TIAL1: variants seen among roughly 807,000 people sequenced by gnomAD.
TIAL1 encodes the protein TIA1 cytotoxic granule associated RNA binding protein like 1.
In TIAL1, 7 loss-of-function variants were observed where a neutral mutation model predicts 59.7. That is an observed-to-expected ratio of 0.12 (90% CI 0.07 to 0.22). The LOEUF (loss-of-function observed/expected upper bound fraction) is 0.22. TIAL1 is among the 10% of genes least tolerant of loss of function. TIAL1 has a pLI of 1.00. For synonymous variants in TIAL1, 149 were observed against 146.3 expected, an observed-to-expected ratio of 1.02 and a Z score of -0.13; for missense variants, 225 against 462.5, an observed-to-expected ratio of 0.49 and a Z score of 4.71.
chr10:119,583,776 C>G (rs1845407582), intron 2 of TIAL1, among the ~76,000 whole-genome samples: 1 of 152,168 alleles, frequency 6.6e-6, no homozygotes. Flanking sequence ...ATCGTTAATA[C>G]TGACAACAAA....
At position 119,574,607 on chromosome 10, in the gene TIAL1, A is replaced by AAAAAAAAAAAAAAAAAAAAT. The variant is rs1554862468; in HGVS notation, c.*1057_*1058insATTTTTTTTTTTTTTTTTTT. On this transcript the variant is annotated 3_prime_UTR_variant, in exon 12 of 12. Coordinates refer to ENST00000436547, the MANE Select transcript of TIAL1 (RefSeq NM_003252.4). Reference sequence around the variant, plus strand: ...AAAGCAAAAAAAAAAAAAAAAAAAAACAAAAACAAAAAACTAATTCCCAAT... The same window carrying AAAAAAAAAAAAAAAAAAAAT: ...AAAGCAAAAAAAAAAAAAAAAAAAAAAAAAAAAAAAAAAAAAAAATCAAAAACAAAAAACTAATTCCCAAT... 6.8e-6 allele frequency: 1 copy of AAAAAAAAAAAAAAAAAAAAT among 148,044 alleles called. No individual in the cohort carries two copies. Among genetic ancestry groups the AAAAAAAAAAAAAAAAAAAAT allele is most frequent in the Non-Finnish European group, 1.5e-5 (1 of 67,114 alleles). The allele number at this position is 148,044 out of a possible 1,614,324, so 9.2% of individuals were successfully genotyped here.
intron 7 of TIAL1, among the ~76,000 whole-genome samples, chr10:119,578,161 G>T (rs1277617309): frequency 6.7e-6 from 1 of 148,188 alleles, no homozygotes; most frequent in Non-Finnish European, 1.5e-5. Flanking sequence ...CGAGGCGGAG[G>T]TTGCAGTGAA....
intron 10 of TIAL1, 53 bp from the exon 11 acceptor site, chr10:119,576,803 GAAGA>G (rs1182916301): frequency 6.3e-7 from 1 of 1,596,544 alleles, no homozygotes; most frequent in Non-Finnish European, 8.5e-7. Flanking sequence ...CACCGTATAT[GAAGA>G]AAGAGTGGGA....
intron 7 of TIAL1, among the ~76,000 whole-genome samples, 164 bp from the exon 8 acceptor site, chr10:119,577,900 G>A (rs996562864): frequency 2.6e-5 from 4 of 151,898 alleles, no homozygotes; most frequent in Admixed American, 6.6e-5. Context: ...GACCAGCCTG[G>A]CCAACATGAC....
At chr10:119,593,501 A>T (rs1428435643) in intron 1 of TIAL1, 1 of 985,728 alleles carries the variant, frequency 1.0e-6, no homozygotes, top group Non-Finnish European at 1.2e-6. Context: ...CATATGTCTT[A>T]GCTTGTGTGT....
rs1221740047 is a variant in TIAL1 at position 119,574,774 on chromosome 10, TTCAATGCAGCGGAG to T, written c.*877_*890del. The T allele has an allele frequency of 2.0e-5, 3 of 152,620 alleles. No homozygotes were observed. The highest frequency in any genetic ancestry group is 4.4e-5 in the Non-Finnish European group (3 of 68,022). 9.5% of individuals were successfully genotyped at this position (152,620 alleles called of 1,614,324 possible). ...TTAACATTCTGATCAATCCACTGCA[TTCAATGCAGCGGAG>T]TGTGTTAAGTGTTACTTCAAATAAT... On this transcript the variant is annotated 3_prime_UTR_variant, in exon 12 of 12. Coordinates refer to ENST00000436547, the MANE Select transcript of TIAL1 (RefSeq NM_003252.4).
At chr10:119,594,291 TA>T (rs1846041414) in intron 1 of TIAL1, among the ~76,000 whole-genome samples, 1 of 152,150 alleles carries the variant, frequency 6.6e-6, no homozygotes, top group Non-Finnish European at 1.5e-5. Context: ...ACAAAGAAGT[TA>T]GCTTATTATT....
intron 2 of TIAL1, among the ~76,000 whole-genome samples, chr10:119,583,431 T>C (rs1845392617): frequency 6.6e-6 from 1 of 152,192 alleles, no homozygotes; most frequent in Admixed American, 6.5e-5. Context: ...ACCTAAGCTA[T>C]AGCAACATTC....
At chr10:119,588,880 T>C (rs1845709928) in intron 1 of TIAL1, among the ~76,000 whole-genome samples, 1 of 152,222 alleles carries the variant, frequency 6.6e-6, no homozygotes, top group Non-Finnish European at 1.5e-5. Context: ...GTTAAAATTT[T>C]AAACTGGTCT....
rs1279640464 is a variant in TIAL1, at chr10:119,577,138, T to C, written c.803A>G (p.His268Arg). The change falls in exon 10 of 12, where the codon CAT (histidine) becomes CGT (arginine). Residue 268 changes from histidine (H) to arginine (R), a missense_variant. Physicochemically the swap from His to Arg is conservative, Grantham distance 29 (BLOSUM62 0). Around this residue, in one of 4 missense-constraint regions of TIAL1, gnomAD observed 80 missense variants for 158.8 expected, o/e 0.50. Coordinates refer to ENST00000436547, the MANE Select transcript of TIAL1 (RefSeq NM_003252.4). ...TTTACCCCAATAGCATTTAACCACA[T>C]GTCCTTCAATCGTAGTACCGTTCAC... ...VSVNGTTIEG[H>R]VVKCYWGKES... 4 of 1,614,078 alleles carry C rather than the reference T, an allele frequency of 2.5e-6. No individual in the cohort carries two copies. Among genetic ancestry groups the C allele is most frequent in the Non-Finnish European group, 3.4e-6 (4 of 1,179,978 alleles).
At chr10:119,577,387 G>T in intron 9 of TIAL1, 64 bp downstream of exon 9, 2 of 1,512,108 alleles carry the variant, frequency 1.3e-6, no homozygotes, top group South Asian at 1.2e-5. Context: ...ATACCCTGGA[G>T]AACATAAGTG....
chr10:119,588,773 T>C (rs1419336735), intron 1 of TIAL1, among the ~76,000 whole-genome samples: 2 of 152,220 alleles, frequency 1.3e-5, no homozygotes, highest in Non-Finnish European at 2.9e-5. Flanking sequence ...AATACCACTC[T>C]GAAAGACATT....
chr10:119,586,290 T>A (rs1845568117), intron 2 of TIAL1, among the ~76,000 whole-genome samples: 1 of 152,202 alleles, frequency 6.6e-6, no homozygotes, highest in African/African-American at 2.4e-5. Context: ...TGCATTAACA[T>A]GAATCTTAGG....
intron 2 of TIAL1, among the ~76,000 whole-genome samples, chr10:119,583,103 G>C (rs1177075292): frequency 2.0e-5 from 3 of 151,942 alleles, no homozygotes; most frequent in African/African-American, 7.2e-5. Flanking sequence ...TCTGGATATG[G>C]AAAGAATGAA....
chr10:119,587,297 C>T (rs1298825947), intron 2 of TIAL1, among the ~76,000 whole-genome samples: 1 of 152,200 alleles, frequency 6.6e-6, no homozygotes, highest in East Asian at 1.9e-4. Flanking sequence ...GCTCTCCCTA[C>T]CAACCTGGAT....
At chr10:119,575,938 A>C in intron 11 of TIAL1, 147 bp from the exon 12 acceptor site, 1 of 780,348 alleles carries the variant, frequency 1.3e-6, no homozygotes, top group Non-Finnish European at 1.9e-6. Context: ...AAAGAAATAA[A>C]TGATATATGT....
At position 119,582,008 on chromosome 10, in the gene TIAL1, A is replaced by T. The variant is rs1267878556; in HGVS notation, c.285T>A (p.Asn95Lys). The T allele has an allele frequency of 6.2e-7, 1 of 1,613,354 alleles. No individual in the cohort carries two copies. ...AATCCCCAACAAACACATGGAAGTG[A>T]TCTGAAATCAGAGCATTTGGTAATC... ...TPSSQKKDTSNHFHVFVGDLS... is the reference protein window; with the variant it reads ...TPSSQKKDTSKHFHVFVGDLS... The change falls in exon 5 of 12, where the codon AAT (asparagine) becomes AAA (lysine). Residue 95 changes from asparagine to lysine, a missense_variant and splice_region_variant. Asn to Lys is a moderately conservative substitution (Grantham distance 94, BLOSUM62 0). Transcript: ENST00000436547. This position sits in a 1 kb window ranked among gnomAD's most constrained non-coding sequence, Gnocchi z 5.1.
At chr10:119,580,094 T>C in intron 5 of TIAL1, 84 bp from the exon 6 acceptor site, 1 of 1,107,154 alleles carries the variant, frequency 9.0e-7, no homozygotes, top group Non-Finnish European at 1.3e-6. Flanking sequence ...CACTGTATTG[T>C]GAGCATTTTT....
At chr10:119,590,030 T>TA (rs1487854180) in intron 1 of TIAL1, among the ~76,000 whole-genome samples, 1 of 152,106 alleles carries the variant, frequency 6.6e-6, no homozygotes, top group African/African-American at 2.4e-5. Context: ...AAGGGAAAAA[T>TA]AGACTGAGAA....
Sources: allele counts gnomAD v4.1 joint callset (sites outside exome capture counted in the v4.1 genomes callset), GRCh38; gene constraint gnomAD v4.1.1; regional missense constraint gnomAD v4.1.1; non-coding constraint Gnocchi (gnomAD v3.1); transcripts MANE v1.5; gene names NCBI Gene and HGNC (gene_info 2026-07-23, HGNC 2026-07-21).